The following BMPR2 variants were observed in gnomAD, a reference collection of about 807,000 sequenced individuals.
The protein encoded by BMPR2 is bone morphogenetic protein receptor type 2, also known as bone morphogenetic protein receptor type-2.
A neutral mutation model predicts 100.8 loss-of-function variants in BMPR2; 29 were observed. The ratio of observed to expected loss-of-function variants is 0.29; its 90% CI spans 0.21 to 0.39. The LOEUF (loss-of-function observed/expected upper bound fraction) is 0.39, where lower values mean the gene tolerates loss of function less well. Ranked by LOEUF, BMPR2 falls within the 10% of genes least tolerant of loss-of-function variation. The probability of loss-of-function intolerance (pLI) is 1.00; values close to 1 mark genes in which losing one functional copy is unlikely to be tolerated. For missense variants in BMPR2, 1,011 were observed against 1,274.5 expected (o/e 0.79, Z 3.15); for synonymous variants, 382 against 442.3 (o/e 0.86, Z 1.71).
At chr2:202,546,150 C>T (rs1029502936) in intron 10 of BMPR2, among the ~76,000 whole-genome samples, 21 of 152,124 alleles carry the variant, frequency 1.4e-4, no homozygotes, top group African/African-American at 5.1e-4. Context: ...TCCAGGGAAT[C>T]CATTTAAATC....
intron 6 of BMPR2, among the ~76,000 whole-genome samples, chr2:202,519,360 C>T (rs1687780179): frequency 6.6e-6 from 1 of 151,850 alleles, no homozygotes; most frequent in African/African-American, 2.4e-5. Context: ...AAGACGCAAT[C>T]TCAAAAAATA....
At chr2:202,524,361 C>CA (rs768641807) in intron 7 of BMPR2, among the ~76,000 whole-genome samples, 30,732 of 97,024 alleles carry the variant, frequency 0.32, 3,837 homozygotes, top group East Asian at 0.6. Flanking sequence ...GAGTCTGTCT[C>CA]AAAAAAAAAA....
intron 1 of BMPR2, among the ~76,000 whole-genome samples, chr2:202,395,606 G>C (rs1314575407): frequency 6.6e-6 from 1 of 152,180 alleles, no homozygotes; most frequent in Admixed American, 6.5e-5. Context: ...TTGGGCAATG[G>C]ATAAGTCACT....
intron 1 of BMPR2, among the ~76,000 whole-genome samples, chr2:202,396,838 C>A (rs1690665853): frequency 6.6e-6 from 1 of 151,868 alleles, no homozygotes; most frequent in Admixed American, 6.6e-5. Context: ...GCTCTTCTTG[C>A]CCAGGCTGGA....
At chr2:202,404,361 T>G (rs994110029) in intron 1 of BMPR2, among the ~76,000 whole-genome samples, 2 of 151,928 alleles carry the variant, frequency 1.3e-5, no homozygotes, top group African/African-American at 4.8e-5. Flanking sequence ...CCGGCTAATT[T>G]TTATATATTT....
At chr2:202,413,137 T>C (rs1165750257) in intron 1 of BMPR2, among the ~76,000 whole-genome samples, 3 of 152,242 alleles carry the variant, frequency 2.0e-5, no homozygotes, top group Non-Finnish European at 4.4e-5. Flanking sequence ...TTCTGACTTC[T>C]TGTTTCAGGT....
chr2:202,519,354 C>T (rs996406223), intron 6 of BMPR2, among the ~76,000 whole-genome samples: 10 of 151,904 alleles, frequency 6.6e-5, no homozygotes, highest in East Asian at 1.9e-4. Context: ...CAGAGCAAGA[C>T]GCAATCTCAA....
intron 3 of BMPR2, among the ~76,000 whole-genome samples, chr2:202,507,684 C>G (rs1030705178): frequency 9.2e-5 from 14 of 151,566 alleles, no homozygotes; most frequent in Admixed American, 6.6e-4. Context: ...CTACTGTTGC[C>G]TGGCCTTTTT....
Position 202,377,414 on chromosome 2 carries a change from T to A in BMPR2, c.-61T>A. On this transcript the variant is annotated 5_prime_UTR_variant, in exon 1 of 13. Coordinates refer to ENST00000374580, the MANE Select transcript of BMPR2 (RefSeq NM_001204.7). ...AGAAGACGAGCCTCCCGGCTGTTTC[T>A]CCGCCGGTCTACTTCCCATATTTCT... 6.5e-7 allele frequency: 1 copy of A among 1,533,228 alleles called. No individual in the cohort carries two copies. 95.0% of individuals were successfully genotyped at this position (1,533,228 alleles called of 1,614,324 possible).
intron 3 of BMPR2, among the ~76,000 whole-genome samples, chr2:202,486,118 C>G (rs2105977845): frequency 6.6e-6 from 1 of 152,230 alleles, no homozygotes; most frequent in South Asian, 2.1e-4. Context: ...TGCCCCCATA[C>G]ACTTTCACAT....
rs1687455340 is a variant in BMPR2, at chr2:202,503,636, C to T, written c.419-10083C>T. 6.6e-6 allele frequency among the ~76,000 whole-genome samples: 1 copy of T among 152,240 alleles called. No homozygotes were observed. Among genetic ancestry groups the T allele is most frequent in the African/African-American group, 2.4e-5 (1 of 41,466 alleles). On this transcript the variant is annotated intron_variant, in intron 3 of 12. Coordinates refer to ENST00000374580, the MANE Select transcript of BMPR2 (RefSeq NM_001204.7). This position sits in a 1 kb window ranked among gnomAD's most constrained non-coding sequence, Gnocchi z 4.0. ...GCAGGGCTCGGGACCTGCAGCCCGC[C>T]ATGCCTGAGCCTCCCACCCCCTCCA...
rs996870438 is a variant in BMPR2, at chr2:202,481,155, CTTTCTCTTCTCT to C, written c.418+13480_418+13491del. On this transcript the variant is annotated intron_variant, in intron 3 of 12. Transcript: ENST00000374580. ...GTTCTCCAACTTTGTTCTTCTTTTT[CTTTCTCTTCTCT>C]TTTCTCTTCTCTTCTCTTCTCTTCT... Among the ~76,000 whole-genome samples the C allele has an allele frequency of 7.8e-5, 11 of 141,038 alleles. No homozygotes were observed. The South Asian group carries it at 1.4e-3, about 18-fold the overall frequency. The allele number at this position is 141,038 out of a possible 152,430, so 92.5% of individuals were successfully genotyped here. A position where few individuals can be genotyped will look rare whatever the true frequency, so the allele number is the denominator to read the frequency against.
intron 1 of BMPR2, among the ~76,000 whole-genome samples, chr2:202,444,447 CA>C (rs2105942047): frequency 6.6e-6 from 1 of 150,630 alleles, no homozygotes; most frequent in Non-Finnish European, 1.5e-5. Context: ...TAGTTTAATT[CA>C]ACAAATTTCT....
intron 1 of BMPR2, among the ~76,000 whole-genome samples, chr2:202,427,789 G>A (rs1225454131): frequency 3.9e-5 from 6 of 151,948 alleles, no homozygotes; most frequent in Admixed American, 3.3e-4. Flanking sequence ...ACCAGCTTGG[G>A]CAACATGGCC....
intron 9 of BMPR2, among the ~76,000 whole-genome samples, chr2:202,538,385 G>T (rs1688204619): frequency 6.6e-6 from 1 of 152,078 alleles, no homozygotes; most frequent in South Asian, 2.1e-4. Context: ...GAACTAGGGA[G>T]GCGGAGGTTG....
intron 3 of BMPR2, among the ~76,000 whole-genome samples, chr2:202,490,389 GCA>G (rs1216965192): frequency 2.6e-5 from 4 of 151,900 alleles, no homozygotes; most frequent in African/African-American, 9.7e-5. Flanking sequence ...ATACACAAAT[GCA>G]CACACACAAG....
chr2:202,488,901 C>G (rs1335717292), intron 3 of BMPR2, among the ~76,000 whole-genome samples: 2 of 152,170 alleles, frequency 1.3e-5, no homozygotes, highest in Non-Finnish European at 2.9e-5. Flanking sequence ...CTCCCCTGCT[C>G]CCAACCCTTG....
chr2:202,434,606 T>C (rs1033920551), intron 1 of BMPR2, among the ~76,000 whole-genome samples: 3 of 149,568 alleles, frequency 2.0e-5, no homozygotes, highest in African/African-American at 5.1e-5. Context: ...TGACTTCTTT[T>C]TGTTTCCTAA....
intron 3 of BMPR2, among the ~76,000 whole-genome samples, chr2:202,471,943 AAG>A (rs763445288): frequency 6.7e-6 from 1 of 148,832 alleles, no homozygotes; most frequent in Non-Finnish European, 1.5e-5. Flanking sequence ...TGTGTGTAGA[AAG>A]AGGTAATAAA....
Sources: allele counts gnomAD v4.1 joint callset (sites outside exome capture counted in the v4.1 genomes callset), GRCh38; gene constraint gnomAD v4.1.1; non-coding constraint Gnocchi (gnomAD v3.1); transcripts MANE v1.5; gene names NCBI Gene and HGNC (gene_info 2026-07-23, HGNC 2026-07-21).